Variants in FHAD1 observed in about 807,000 individuals in gnomAD.
The protein encoded by FHAD1 is forkhead associated phosphopeptide binding domain 1, also known as forkhead-associated domain-containing protein 1.
Under a neutral mutation model 191.3 loss-of-function variants are expected in FHAD1, and 146 were observed. The observed-to-expected ratio is 0.76, with a 90% CI of 0.67 to 0.88. The LOEUF is 0.88. FHAD1 is among the 40% of genes least tolerant of loss of function. FHAD1 has a pLI of 0.00. For synonymous variants in FHAD1, 616 were observed against 672.3 expected, an observed-to-expected ratio of 0.92 and a Z score of 1.29; for missense variants, 1,635 against 1,785.8, an observed-to-expected ratio of 0.92 and a Z score of 1.52.
chr1:15,379,480 G>A (rs867248244), intron 28 of FHAD1, among the ~76,000 whole-genome samples: 1 of 152,130 alleles, frequency 6.6e-6, no homozygotes, highest in Non-Finnish European at 1.5e-5. Flanking sequence ...GCCCAGGGAC[G>A]GGCAGGAGAC....
downstream of FHAD1, among the ~76,000 whole-genome samples, chr1:15,401,881 A>T (rs1485773213): frequency 6.6e-6 from 1 of 152,134 alleles, no homozygotes; most frequent in Admixed American, 6.5e-5. Context: ...TCAGTGTCCC[A>T]GGTTATTTTG....
chr1:15,252,901 A>G (rs1646959430), intron 2 of FHAD1, among the ~76,000 whole-genome samples: 1 of 152,216 alleles, frequency 6.6e-6, no homozygotes. Context: ...TAAACATGGA[A>G]GGGGGTTAAA....
Position 15,289,005 on chromosome 1 carries a change from G to A in FHAD1, c.301-394G>A, listed in dbSNP as rs1377594343. On this transcript the variant is annotated intron_variant, in intron 3 of 33. Coordinates refer to ENST00000688493, the MANE Select transcript of FHAD1 (RefSeq NM_001391957.1). This position sits in a 1 kb window ranked among gnomAD's most constrained non-coding sequence, Gnocchi z 4.2. Reference sequence around the variant, plus strand: ...TGTTTTTTTGTTTGTTTATTTTTGAGACAGAGTCTCATTCTGTCGCCCAGG... The same window carrying A: ...TGTTTTTTTGTTTGTTTATTTTTGAAACAGAGTCTCATTCTGTCGCCCAGG... 6.6e-6 allele frequency among the ~76,000 whole-genome samples: 1 copy of A among 152,124 alleles called. No individual in the cohort carries two copies. Among genetic ancestry groups the A allele is most frequent in the Non-Finnish European group, 1.5e-5 (1 of 68,028 alleles).
At chr1:15,307,144 T>C (rs1670750536) in intron 6 of FHAD1, among the ~76,000 whole-genome samples, 1 of 152,114 alleles carries the variant, frequency 6.6e-6, no homozygotes, top group African/African-American at 2.4e-5. Context: ...AGTCAAAAGA[T>C]CATTTTGGAG....
In FHAD1 at chr1:15,360,459, G is replaced by A. The variant is rs2102649939; in HGVS notation, c.2737-19G>A. On this transcript the variant is annotated intron_variant, in intron 21 of 33. Transcript: ENST00000688493. The stretch of plus-strand genomic sequence containing the variant: ...TACACAGCTCCCAAGACCTCACTGA[G>A]TGACTCTCTGTTTCCCAGATCATGG... The A allele has an allele frequency of 6.5e-7, 1 of 1,548,212 alleles. No homozygotes were observed. Among genetic ancestry groups the A allele is most frequent in the Non-Finnish European group, 8.7e-7 (1 of 1,144,834 alleles).
chr1:15,349,163 C>T lies in FHAD1; in HGVS notation c.2454+14C>T, dbSNP rs1219089534. The T allele has an allele frequency of 6.6e-7, 1 of 1,524,426 alleles. No homozygotes were observed. Among genetic ancestry groups the T allele is most frequent in the African/African-American group, 1.4e-5 (1 of 72,348 alleles). 94.4% of individuals were successfully genotyped at this position (1,524,426 alleles called of 1,614,324 possible). A position where few individuals can be genotyped will look rare whatever the true frequency, so the allele number is the denominator to read the frequency against. The stretch of plus-strand genomic sequence containing the variant: ...CAACAGAAGGAGGTATGAGCAGCAG[C>T]AGGAAAGAATCCTCTGGAAGGAACT... On this transcript the variant is annotated intron_variant, in intron 19 of 33. Coordinates refer to ENST00000688493, the MANE Select transcript of FHAD1 (RefSeq NM_001391957.1).
At chr1:15,297,633 A>T (rs780609056) in intron 5 of FHAD1, among the ~76,000 whole-genome samples, 3 of 152,122 alleles carry the variant, frequency 2.0e-5, no homozygotes, top group Non-Finnish European at 4.4e-5. Flanking sequence ...TTAAAACAGC[A>T]ATTTATTTCC....
chr1:15,385,230 G>T (rs773815130), intron 31 of FHAD1, among the ~76,000 whole-genome samples: 2 of 151,232 alleles, frequency 1.3e-5, no homozygotes, highest in Non-Finnish European at 2.9e-5. Context: ...GTATACATCT[G>T]TTTAGGCAGC....
chr1:15,350,708 G>C (rs758813689), intron 19 of FHAD1, among the ~76,000 whole-genome samples: 5 of 152,214 alleles, frequency 3.3e-5, no homozygotes, highest in African/African-American at 1.2e-4. Context: ...AACCGCCCTA[G>C]AGGTGTAACA....
chr1:15,324,803 G>A (rs1219926142), intron 11 of FHAD1: 1 of 507,350 alleles, frequency 2.0e-6, no homozygotes, highest in East Asian at 3.2e-5. Flanking sequence ...CCCGGACCAG[G>A]CAGCCAATCC....
At position 15,289,287 on chromosome 1, in the gene FHAD1, C is replaced by T. The variant is rs577351059; in HGVS notation, c.301-112C>T. On this transcript the variant is annotated intron_variant, in intron 3 of 33. Transcript: ENST00000688493. The surrounding 1 kb of genome is among the most constrained non-coding windows in gnomAD (Gnocchi z 4.2). ...ATAGCTGTGTGCCACCCTGCCCGACCGGAAGTGACTCATAAACCAAGACCT... is the reference window on the plus strand; with the variant it reads ...ATAGCTGTGTGCCACCCTGCCCGACTGGAAGTGACTCATAAACCAAGACCT... The T allele has an allele frequency of 6.6e-5, 92 of 1,397,376 alleles. No individual in the cohort carries two copies. The Middle Eastern group carries it at 2.3e-3, about 35-fold the overall frequency. The allele number at this position is 1,397,376 out of a possible 1,614,324, so 86.6% of individuals were successfully genotyped here.
At chr1:15,344,164 TG>T (rs1336809890) in intron 16 of FHAD1, among the ~76,000 whole-genome samples, 2 of 152,204 alleles carry the variant, frequency 1.3e-5, no homozygotes, top group Non-Finnish European at 2.9e-5. Flanking sequence ...GACTTGACCC[TG>T]GGGACTCCTT....
chr1:15,359,729 T>C (rs1694058139), intron 21 of FHAD1, among the ~76,000 whole-genome samples: 1 of 151,716 alleles, frequency 6.6e-6, no homozygotes, highest in African/African-American at 2.4e-5. Flanking sequence ...GGCGGGCGGA[T>C]CATGAGGTCA....
At position 15,267,952 on chromosome 1, in the gene FHAD1, T is replaced by A. The variant is rs530977284; in HGVS notation, c.94-4371T>A. Among the ~76,000 whole-genome samples, 449 of 146,322 alleles carry A rather than the reference T, an allele frequency of 3.1e-3. 3 individuals carry two copies. Among genetic ancestry groups the A allele is most frequent in the African/African-American group, 0.01 (415 of 40,004 alleles). On this transcript the variant is annotated intron_variant, in intron 2 of 33. Transcript: ENST00000688493. The stretch of plus-strand genomic sequence containing the variant: ...AGCATATAAATAGGAATATAAAAAA[T>A]ATATATATATTTGCTGTTCTTTACA...
At chr1:15,367,785 C>G (rs887426333) in intron 25 of FHAD1, among the ~76,000 whole-genome samples, 163 bp downstream of exon 25, 2 of 152,110 alleles carry the variant, frequency 1.3e-5, no homozygotes, top group African/African-American at 2.4e-5. Flanking sequence ...ACTTCCTTGT[C>G]CAATATTCCA....
intron 14 of FHAD1, among the ~76,000 whole-genome samples, chr1:15,338,150 C>G (rs1327593717): frequency 6.6e-6 from 1 of 152,138 alleles, no homozygotes; most frequent in Non-Finnish European, 1.5e-5. Context: ...CCCCCACATC[C>G]CGGTGTGAAA....
chr1:15,359,937 G>A (rs890796425), intron 21 of FHAD1, among the ~76,000 whole-genome samples: 15 of 151,590 alleles, frequency 9.9e-5, no homozygotes, highest in African/African-American at 1.5e-4. Context: ...GTGACAGAGA[G>A]AGACTCCGTC....
At chr1:15,361,258 C>A (rs1694714129) in intron 22 of FHAD1, among the ~76,000 whole-genome samples, 1 of 152,210 alleles carries the variant, frequency 6.6e-6, no homozygotes, top group Admixed American at 6.5e-5. Flanking sequence ...CCAGCCTCAG[C>A]CCTGTTGACA....
At position 15,345,409 on chromosome 1, in the gene FHAD1, G is replaced by A; in HGVS notation, c.2239-7G>A. 6.4e-7 allele frequency: 1 copy of A among 1,551,464 alleles called. No individual in the cohort carries two copies. The highest frequency in any genetic ancestry group is 8.7e-7 in the Non-Finnish European group (1 of 1,146,368). On this transcript the variant is annotated splice_region_variant and splice_polypyrimidine_tract_variant and intron_variant, in intron 17 of 33. Transcript: ENST00000688493. Reference sequence around the variant, plus strand: ...CCATGTCTATTGAACAATGATCGTTGACTCAGGCTTTGGCGAAAAGCATTA... The same window carrying A: ...CCATGTCTATTGAACAATGATCGTTAACTCAGGCTTTGGCGAAAAGCATTA...
Sources: gnomAD v4.1 joint callset for allele counts (sites outside exome capture counted in the v4.1 genomes callset) on GRCh38, gnomAD v4.1.1 for gene constraint, Gnocchi (gnomAD v3.1) non-coding constraint, MANE v1.5 for transcripts, NCBI Gene and HGNC (gene_info 2026-07-23, HGNC 2026-07-21) for gene names.